LRP2: variants seen among roughly 807,000 people sequenced by gnomAD.
The protein encoded by LRP2 is low-density lipoprotein receptor-related protein 2.
In LRP2, 172 loss-of-function variants were observed where a neutral mutation model predicts 531.0. The observed-to-expected ratio is 0.32, with a 90% CI of 0.29 to 0.37. The LOEUF is 0.37. Among genes scored for constraint, LRP2 ranks in the 10% least tolerant of loss-of-function variants. The pLI, the probability that LRP2 is intolerant of heterozygous loss-of-function variation, is 1.00. For synonymous variants in LRP2, 1,992 were observed against 2,027.6 expected (o/e 0.98, Z 0.47); for missense variants, 5,167 against 5,868.3 (o/e 0.88, Z 3.90).
At chr2:169,315,779 C>A (rs1684741748) in intron 3 of LRP2, among the ~76,000 whole-genome samples, 1 of 151,794 alleles carries the variant, frequency 6.6e-6, no homozygotes, top group Non-Finnish European at 1.5e-5. Context: ...GGAGGCCAAC[C>A]CAGAGACTAC....
chr2:169,264,724 C>G (rs889944113), intron 16 of LRP2, among the ~76,000 whole-genome samples: 3 of 152,102 alleles, frequency 2.0e-5, no homozygotes, highest in African/African-American at 7.2e-5. Flanking sequence ...TGCACTCACA[C>G]TCAGAGGCAC....
At position 169,275,355 on chromosome 2, in the gene LRP2, C is replaced by T. The variant is rs1414724031; in HGVS notation, c.1773-117G>A. 31 of 773,592 alleles carry T rather than the reference C, an allele frequency of 4.0e-5. No homozygotes were observed. The Middle Eastern group carries it at 7.5e-4, about 19-fold the overall frequency. 47.9% of individuals were successfully genotyped at this position (773,592 alleles called of 1,614,324 possible). ...GCTAAATAATTTCTTGTCACAAATA[C>T]GGAATAGATAGAAAAGATACATTTT... On this transcript the variant is annotated intron_variant, in intron 13 of 78. Coordinates refer to ENST00000649046, the MANE Select transcript of LRP2 (RefSeq NM_004525.3).
intron 3 of LRP2, among the ~76,000 whole-genome samples, chr2:169,316,226 G>A (rs1684760209): frequency 6.6e-6 from 1 of 151,932 alleles, no homozygotes. Flanking sequence ...TATTTATGAG[G>A]CAAATTAGGC....
At chr2:169,178,820 C>T (rs958049336) in intron 52 of LRP2, among the ~76,000 whole-genome samples, 2 of 152,040 alleles carry the variant, frequency 1.3e-5, no homozygotes, top group African/African-American at 4.8e-5. Context: ...GGAGATAGAA[C>T]AAGCTAGCAA....
At chr2:169,299,425 G>T (rs1381134193) in intron 4 of LRP2, among the ~76,000 whole-genome samples, 1 of 151,894 alleles carries the variant, frequency 6.6e-6, no homozygotes, top group Non-Finnish European at 1.5e-5. Flanking sequence ...CTAGAAATGT[G>T]CCTGAGAGGG....
At chr2:169,169,936 A>G in intron 59 of LRP2, 118 bp from the exon 60 acceptor site, 1 of 750,148 alleles carries the variant, frequency 1.3e-6, no homozygotes, top group African/African-American at 1.7e-5. Flanking sequence ...ACTGGCTCAC[A>G]GCAAACCCAC....
chr2:169,327,773 G>T (rs1482096968), intron 1 of LRP2, among the ~76,000 whole-genome samples: 6 of 121,158 alleles, frequency 5.0e-5, no homozygotes, highest in African/African-American at 1.6e-4. Flanking sequence ...TCAGCCCCCC[G>T]CCCGGCCAGC....
At chr2:169,307,531 T>C (rs987406719) in intron 3 of LRP2, 134 bp from the exon 4 acceptor site, 1 of 682,498 alleles carries the variant, frequency 1.5e-6, no homozygotes, top group Non-Finnish European at 2.6e-6. Flanking sequence ...ACCACCAAGC[T>C]GAGCTTACAA....
In LRP2 at chr2:169,351,806, T is replaced by G. The variant is rs548325007; in HGVS notation, c.79+10515A>C. On this transcript the variant is annotated intron_variant, in intron 1 of 78. Transcript: ENST00000649046. The stretch of plus-strand genomic sequence containing the variant: ...CTACAGAGTTGCAGATGTGGAGAAC[T>G]GGATTTAACCAGGATCAGGGCCTTG... Among the ~76,000 whole-genome samples, 7 of 152,288 alleles carry G rather than the reference T, an allele frequency of 4.6e-5. No individual in the cohort carries two copies. The South Asian group carries it at 1.0e-3, about 23-fold the overall frequency.
intron 49 of LRP2, among the ~76,000 whole-genome samples, chr2:169,187,128 T>C (rs934813141): frequency 6.6e-6 from 1 of 152,128 alleles, no homozygotes; most frequent in Admixed American, 6.6e-5. Flanking sequence ...TGCAAGTTTG[T>C]TATAATAGGT....
intron 31 of LRP2, among the ~76,000 whole-genome samples, chr2:169,228,311 TAAAA>T (rs56358282): frequency 1.5e-5 from 2 of 133,164 alleles, no homozygotes; most frequent in Non-Finnish European, 1.6e-5. Flanking sequence ...ACTGCAACAG[TAAAA>T]AAAAAAAAAA....
At chr2:169,338,382 A>AAG (rs1287063924) in intron 1 of LRP2, among the ~76,000 whole-genome samples, 10 of 127,288 alleles carry the variant, frequency 7.9e-5, no homozygotes, top group Non-Finnish European at 1.2e-4. Flanking sequence ...GAAAGAAAGA[A>AAG]AGAAAGAAAG....
At chr2:169,338,271 AAG>A (rs1218058499) in intron 1 of LRP2, among the ~76,000 whole-genome samples, 2 of 137,194 alleles carry the variant, frequency 1.5e-5, no homozygotes, top group Admixed American at 7.1e-5. Flanking sequence ...CAAAGAAAGA[AAG>A]AGAAAGAAAG....
Position 169,132,597 on chromosome 2 carries a change from A to C in LRP2, c.13705T>G (p.Ser4569Ala). The change falls in exon 77 of 79, where the codon TCA (serine) becomes GCA (alanine). Residue 4569 changes from serine (S) to alanine (A), a missense_variant. Around this residue, in one of 6 missense-constraint regions of LRP2, gnomAD observed 348 missense variants for 369.3 expected, o/e 0.94. Transcript: ENST00000649046. ...SEIVPETNPT[S>A]PAADGTQVTK... ...ACCTGAGTTCCATCAGCAGCTGGTG[A>C]AGTTGGGTTTGTCTCTGGAACTATC... 1 of 1,607,912 alleles carries C rather than the reference A, an allele frequency of 6.2e-7. No individual in the cohort carries two copies. The highest frequency in any genetic ancestry group is 8.5e-7 in the Non-Finnish European group (1 of 1,174,368).
intron 68 of LRP2, among the ~76,000 whole-genome samples, chr2:169,149,698 G>T (rs1158085369): frequency 1.3e-5 from 2 of 152,036 alleles, no homozygotes; most frequent in African/African-American, 4.8e-5. Flanking sequence ...TTAGCCCAGT[G>T]TGGTGGTGGG....
At chr2:169,328,080 C>A (rs1411140464) in intron 1 of LRP2, among the ~76,000 whole-genome samples, 17 of 143,886 alleles carry the variant, frequency 1.2e-4, no homozygotes, top group Admixed American at 6.7e-4. Flanking sequence ...CAGCCCCCCG[C>A]CCAGCCAGCC....
At chr2:169,205,717 T>G in intron 40 of LRP2, 80 bp from the exon 41 acceptor site, 1 of 1,370,198 alleles carries the variant, frequency 7.3e-7, no homozygotes, top group Non-Finnish European at 1.0e-6. Context: ...GACAATATTC[T>G]TTAATTGCAA....
chr2:169,225,578 G>C, intron 32 of LRP2, 125 bp from the exon 33 acceptor site: 1 of 1,097,752 alleles, frequency 9.1e-7, no homozygotes. Flanking sequence ...TCAGAGGAAA[G>C]GCAAACAAAG....
chr2:169,279,326 G>GA (rs760260376), intron 12 of LRP2, 46 bp downstream of exon 12: 69 of 1,443,194 alleles, frequency 4.8e-5, no homozygotes, highest in Non-Finnish European at 6.2e-5. Flanking sequence ...GAGGGAGAGA[G>GA]AAAATTCTAA....
Sources: gnomAD v4.1 joint callset for allele counts (sites outside exome capture counted in the v4.1 genomes callset) on GRCh38, gnomAD v4.1.1 for gene constraint, gnomAD v4.1.1 regional missense constraint, MANE v1.5 for transcripts, NCBI Gene and HGNC (gene_info 2026-07-23, HGNC 2026-07-21) for gene names.